Variants in BTBD8 observed in about 807,000 individuals in gnomAD.
BTBD8 encodes the protein BTB domain containing 8.
Under a neutral mutation model 162.9 loss-of-function variants are expected in BTBD8, and 110 were observed. The ratio of observed to expected loss-of-function variants is 0.68; its 90% CI spans 0.58 to 0.79. The LOEUF (loss-of-function observed/expected upper bound fraction) is 0.79. BTBD8 is among the 30% of genes least tolerant of loss of function. The pLI is 0.00. For missense variants in BTBD8, 1,905 were observed against 2,085.4 expected (o/e 0.91, Z 1.68); for synonymous variants, 667 against 716.1 (o/e 0.93, Z 1.10).
At chr1:92,107,785 G>A in intron 3 of BTBD8, 99 bp from the exon 4 acceptor site, 1 of 897,584 alleles carries the variant, frequency 1.1e-6, no homozygotes, top group Non-Finnish European at 1.7e-6. Flanking sequence ...CCAACTAATT[G>A]AGATAATTAT....
chr1:92,131,319 G>A (rs1406435420), intron 5 of BTBD8, among the ~76,000 whole-genome samples: 1 of 152,166 alleles, frequency 6.6e-6, no homozygotes, highest in Non-Finnish European at 1.5e-5. Flanking sequence ...TACATGGCGT[G>A]GGCAATACAT....
chr1:92,093,506 A>G (rs1648371145), intron 2 of BTBD8, among the ~76,000 whole-genome samples: 1 of 152,150 alleles, frequency 6.6e-6, no homozygotes, highest in Non-Finnish European at 1.5e-5. Context: ...TACCAATTTT[A>G]AAGTGTATGC....
chr1:92,117,347 AT>A (rs1649070840), intron 4 of BTBD8, among the ~76,000 whole-genome samples: 1 of 90,214 alleles, frequency 1.1e-5, no homozygotes, highest in African/African-American at 4.0e-5. Flanking sequence ...GAAAAAGATT[AT>A]TAAAGGTTTT....
intron 4 of BTBD8, chr1:92,125,450 C>A: frequency 6.5e-6 from 2 of 306,130 alleles, no homozygotes; most frequent in East Asian, 8.5e-5. Context: ...AATGGCATTC[C>A]TCAGGGAACA....
chr1:92,115,580 G>T, intron 4 of BTBD8: 1 of 382,480 alleles, frequency 2.6e-6, no homozygotes, highest in East Asian at 6.8e-5. Flanking sequence ...CCTGGAAGAT[G>T]GTGATGGGAT....
intron 13 of BTBD8, 52 bp from the exon 14 acceptor site, chr1:92,176,777 A>G (rs758396976): frequency 2.2e-5 from 19 of 860,830 alleles, no homozygotes; most frequent in Non-Finnish European, 3.2e-5. Context: ...ATAAAATATT[A>G]TATGTTAAAG....
At chr1:92,137,592 C>G (rs949520123) in intron 5 of BTBD8, among the ~76,000 whole-genome samples, 1 of 152,126 alleles carries the variant, frequency 6.6e-6, no homozygotes, top group Non-Finnish European at 1.5e-5. Flanking sequence ...CCTTCCTGTT[C>G]AGAATAAGAC....
At chr1:92,129,610 T>G in intron 4 of BTBD8, 77 bp from the exon 5 acceptor site, 1 of 1,146,988 alleles carries the variant, frequency 8.7e-7, no homozygotes, top group Non-Finnish European at 1.3e-6. Flanking sequence ...TACATAAAGA[T>G]GAAAATTTTC....
chr1:92,155,258 A>G (rs960027966), intron 9 of BTBD8, among the ~76,000 whole-genome samples: 1 of 152,180 alleles, frequency 6.6e-6, no homozygotes, highest in Non-Finnish European at 1.5e-5. Flanking sequence ...GTTCCGTATG[A>G]ATTTTAGAAT....
chr1:92,126,426 G>T (rs1056757758), intron 4 of BTBD8: 4 of 915,526 alleles, frequency 4.4e-6, no homozygotes, highest in African/African-American at 3.3e-5. Context: ...CTCCTCAAAC[G>T]AAACATCCAG....
intron 1 of BTBD8, among the ~76,000 whole-genome samples, chr1:92,082,673 G>C (rs2101888321): frequency 6.6e-6 from 1 of 152,278 alleles, no homozygotes; most frequent in Non-Finnish European, 1.5e-5. Context: ...AAGGAACAGA[G>C]ACACTCCTAG....
chr1:92,083,294 T>C (rs912659403), intron 1 of BTBD8, among the ~76,000 whole-genome samples: 1 of 152,176 alleles, frequency 6.6e-6, no homozygotes, highest in Admixed American at 6.5e-5. Context: ...CTTTGTACCT[T>C]CATCTCCTCT....
intron 13 of BTBD8, among the ~76,000 whole-genome samples, chr1:92,173,180 C>T (rs1422908677): frequency 6.6e-6 from 1 of 152,232 alleles, no homozygotes; most frequent in Non-Finnish European, 1.5e-5. Context: ...CCGCCTCGGC[C>T]TCCCAAAGTC....
intron 13 of BTBD8, 120 bp from the exon 14 acceptor site, chr1:92,176,709 T>C: frequency 5.6e-6 from 3 of 532,528 alleles, no homozygotes; most frequent in Non-Finnish European, 9.4e-6. Context: ...AGCTTTGACC[T>C]TAAATCATAA....
chr1:92,162,154 G>A (rs1023325666), intron 9 of BTBD8, among the ~76,000 whole-genome samples: 3 of 152,212 alleles, frequency 2.0e-5, no homozygotes, highest in African/African-American at 7.2e-5. Context: ...CTTGGCCCAT[G>A]TTTGTACTCA....
intron 7 of BTBD8, among the ~76,000 whole-genome samples, chr1:92,142,364 C>A (rs1443656381): frequency 1.3e-5 from 2 of 152,202 alleles, no homozygotes; most frequent in Non-Finnish European, 2.9e-5. Flanking sequence ...GATGTCTTCT[C>A]ATCCCCTAGA....
chr1:92,107,778 A>C, intron 3 of BTBD8, 106 bp from the exon 4 acceptor site: 1 of 847,416 alleles, frequency 1.2e-6, no homozygotes, highest in Non-Finnish European at 1.8e-6. Context: ...ACATATTCCA[A>C]CTAATTGAGA....
intron 17 of BTBD8, 109 bp from the exon 18 acceptor site, chr1:92,183,755 G>GTTTTTTT: frequency 4.6e-6 from 2 of 430,548 alleles, no homozygotes; most frequent in Non-Finnish European, 7.7e-6. Context: ...CCCATTCTGT[G>GTTTTTTT]TTTTTTTTTT....
intron 9 of BTBD8, among the ~76,000 whole-genome samples, chr1:92,160,525 C>A (rs886903452): frequency 6.6e-6 from 1 of 152,048 alleles, no homozygotes; most frequent in Non-Finnish European, 1.5e-5. Flanking sequence ...AGATTCAGGG[C>A]CTCTCAAACC....
Sources: allele counts gnomAD v4.1 joint callset (sites outside exome capture counted in the v4.1 genomes callset), GRCh38; gene constraint gnomAD v4.1.1; transcripts MANE v1.5; gene names NCBI Gene and HGNC (gene_info 2026-07-23, HGNC 2026-07-21).